IL17RB: variants seen among roughly 807,000 people sequenced by gnomAD.
The protein encoded by IL17RB is interleukin 17 receptor B, also known as interleukin-17 receptor B.
A neutral mutation model predicts 43.9 loss-of-function variants in IL17RB; 36 were observed. The ratio of observed to expected loss-of-function variants is 0.82; its 90% CI spans 0.63 to 1.08. The LOEUF is 1.08. Ranked by LOEUF, IL17RB falls within the 50% of genes least tolerant of loss-of-function variation. The pLI is 0.00. For synonymous variants in IL17RB, 225 were observed against 225.4 expected, an observed-to-expected ratio of 1.00 and a Z score of 0.02; for missense variants, 613 against 613.6, an observed-to-expected ratio of 1.00 and a Z score of 0.01.
intron 10 of IL17RB, among the ~76,000 whole-genome samples, chr3:53,861,772 A>G (rs2107027398): frequency 6.6e-6 from 1 of 152,348 alleles, no homozygotes; most frequent in Middle Eastern, 3.4e-3. Context: ...GGATGCCATT[A>G]AGAAAATCAC....
rs1025689 is a variant in IL17RB, at chr3:53,849,695, C to T, written c.126C>T (p.Pro42=). 6 of 1,611,996 alleles carry T rather than the reference C, an allele frequency of 3.7e-6. No individual in the cohort carries two copies. Among genetic ancestry groups the T allele is most frequent in the East Asian group, 2.2e-5 (1 of 44,778 alleles). The change falls in exon 3 of 11, where the codon CCC becomes CCT. Residue 42 remains proline, a synonymous_variant. Transcript: ENST00000288167. ...PEWMLQHDLI[P]GDLRDLRVEP... is the part of the protein sequence containing the mutation. ...GGATGCTACAACATGATCTAATCCCCGGAGACTTGAGGGACCTCCGAGTAG... is the reference window on the plus strand; with the variant it reads ...GGATGCTACAACATGATCTAATCCCTGGAGACTTGAGGGACCTCCGAGTAG...
intron 9 of IL17RB, chr3:53,859,875 C>T (rs986951741): frequency 8.7e-6 from 3 of 344,148 alleles, no homozygotes; most frequent in South Asian, 4.6e-5. Flanking sequence ...TGGCTGGGCG[C>T]GGTGACACAT....
In IL17RB at chr3:53,856,931, G is replaced by C. The variant is rs1199857461; in HGVS notation, c.617G>C (p.Arg206Thr). ...TTCACAACCACTCCCCTGGGAAACAGATACATGGCTCTTATCCAACACAGC... is the reference window on the plus strand; with the variant it reads ...TTCACAACCACTCCCCTGGGAAACACATACATGGCTCTTATCCAACACAGC... ...VNFTTTPLGN[R>T]YMALIQHSTI... Residue 206 changes from arginine (R) to threonine (T), a missense_variant, in exon 7 of 11, where the codon AGA (arginine) becomes ACA (threonine). Coordinates refer to ENST00000288167, the MANE Select transcript of IL17RB (RefSeq NM_018725.4). The C allele has an allele frequency of 6.2e-7, 1 of 1,614,014 alleles. No homozygotes were observed. Among genetic ancestry groups the C allele is most frequent in the African/African-American group, 1.3e-5 (1 of 74,918 alleles).
intron 9 of IL17RB, 122 bp downstream of exon 9, chr3:53,858,940 A>T: frequency 1.4e-6 from 1 of 702,682 alleles, no homozygotes; most frequent in South Asian, 1.8e-5. Flanking sequence ...GCCTGTGTAC[A>T]CTGAACTGGG....
chr3:53,856,989 A>G lies in IL17RB; in HGVS notation c.672+3A>G, dbSNP rs765502228. On this transcript the variant is annotated splice_donor_region_variant and intron_variant, in intron 7 of 10. Transcript: ENST00000288167. Reference sequence around the variant, plus strand: ...TCGGGTTTTCTCAGGTGTTTGAGGTACTTTTTCTCTTCGTCCCCTTCACCT... The same window carrying G: ...TCGGGTTTTCTCAGGTGTTTGAGGTGCTTTTTCTCTTCGTCCCCTTCACCT... 1.9e-6 allele frequency: 3 copies of G among 1,613,648 alleles called. No individual in the cohort carries two copies. The highest frequency in any genetic ancestry group is 2.5e-6 in the Non-Finnish European group (3 of 1,180,004).
intron 3 of IL17RB, among the ~76,000 whole-genome samples, 160 bp from the exon 4 acceptor site, chr3:53,851,839 G>A (rs572468497): frequency 6.6e-5 from 10 of 152,260 alleles, no homozygotes; most frequent in East Asian, 1.9e-4. Context: ...TAAGCCTCAC[G>A]AACCCCATCT....
intron 3 of IL17RB, among the ~76,000 whole-genome samples, chr3:53,851,775 T>C (rs1247193652): frequency 2.0e-5 from 3 of 152,202 alleles, no homozygotes; most frequent in Non-Finnish European, 4.4e-5. Flanking sequence ...TGAATTCGTA[T>C]CTGCTACTTG....
At chr3:53,863,479 G>A (rs1699644190) in intron 10 of IL17RB, among the ~76,000 whole-genome samples, 1 of 152,208 alleles carries the variant, frequency 6.6e-6, no homozygotes, top group Non-Finnish European at 1.5e-5. Flanking sequence ...TAAATAAAAT[G>A]AGATTAACTC....
At position 53,865,091 on chromosome 3, in the gene IL17RB, G is replaced by T; in HGVS notation, c.1292G>T (p.Cys431Phe). 6.2e-7 allele frequency: 1 copy of T among 1,614,098 alleles called. No individual in the cohort carries two copies. The highest frequency in any genetic ancestry group is 8.5e-7 in the Non-Finnish European group (1 of 1,179,974). The change falls in exon 11 of 11, where the codon TGC (cysteine) becomes TTC (phenylalanine). Residue 431 changes from cysteine (C) to phenylalanine (F), a missense_variant. Physicochemically the swap from Cys to Phe is radical, Grantham distance 205. Transcript: ENST00000288167. ...TTCCCCCTTGCCTTTAACCTTTTCT[G>T]CAGTGATCTAAGAAGCCAGATTCAT... ...DLFPLAFNLFCSDLRSQIHLH... is the reference protein window; with the variant it reads ...DLFPLAFNLFFSDLRSQIHLH...
At position 53,852,102 on chromosome 3, in the gene IL17RB, T is replaced by C; in HGVS notation, c.330T>C (p.Thr110=). 6.2e-7 allele frequency: 1 copy of C among 1,614,168 alleles called. No homozygotes were observed. The highest frequency in any genetic ancestry group is 8.5e-7 in the Non-Finnish European group (1 of 1,180,040). Residue 110 remains threonine (T), a synonymous_variant, in exon 4 of 11, where the codon ACT becomes ACC. Transcript: ENST00000288167. ...GCAATTACACAGAGGCCTTCCAGAC[T>C]CAGACCAGACCCTCTGGTGGTAAAG... ...VRCNYTEAFQ[T]QTRPSGGKWT...
At chr3:53,857,827 C>G in intron 8 of IL17RB, 137 bp downstream of exon 8, 4 of 765,230 alleles carry the variant, frequency 5.2e-6, no homozygotes, top group Non-Finnish European at 9.0e-6. Context: ...TTCATGGGGG[C>G]TCTTTCGCTG....
chr3:53,861,826 G>T (rs1248828588), intron 10 of IL17RB, among the ~76,000 whole-genome samples: 1 of 152,200 alleles, frequency 6.6e-6, no homozygotes, highest in Non-Finnish European at 1.5e-5. Flanking sequence ...CAGTGCAGAT[G>T]AAAGTGTCCT....
chr3:53,860,337 T>C, intron 10 of IL17RB, 109 bp downstream of exon 10: 1 of 804,596 alleles, frequency 1.2e-6, no homozygotes, highest in Non-Finnish European at 2.0e-6. Context: ...TTCCCAGAGT[T>C]AGATAGCATT....
rs376190922 is a variant in IL17RB at position 53,857,696 on chromosome 3, G to C, written c.747+6G>C. On this transcript the variant is annotated splice_donor_region_variant and intron_variant, in intron 8 of 10. Coordinates refer to ENST00000288167, the MANE Select transcript of IL17RB (RefSeq NM_018725.4). Reference sequence around the variant, plus strand: ...GTGAAGGTGCTACGGTGCAGGTAAAGTTCAGTGAGCTGCTCTGGGGAGGGA... The same window carrying C: ...GTGAAGGTGCTACGGTGCAGGTAAACTTCAGTGAGCTGCTCTGGGGAGGGA... 27 of 1,611,766 alleles carry C rather than the reference G, an allele frequency of 1.7e-5. No homozygotes were observed. The highest frequency in any genetic ancestry group is 1.6e-4 in the Middle Eastern group (1 of 6,082).
At chr3:53,859,610 T>C (rs1032766446) in intron 9 of IL17RB, 1 of 153,100 alleles carries the variant, frequency 6.5e-6, no homozygotes, top group African/African-American at 2.4e-5. Flanking sequence ...TAAGCAGTTG[T>C]ACCCAGAATA....
chr3:53,847,989 A>G (rs1033617372), intron 1 of IL17RB, among the ~76,000 whole-genome samples: 3 of 152,202 alleles, frequency 2.0e-5, no homozygotes, highest in African/African-American at 7.2e-5. Flanking sequence ...TTGTCATTTG[A>G]GCTTGCTGCT....
At chr3:53,862,334 G>A (rs911653697) in intron 10 of IL17RB, among the ~76,000 whole-genome samples, 2 of 152,144 alleles carry the variant, frequency 1.3e-5, no homozygotes, top group Non-Finnish European at 2.9e-5. Flanking sequence ...CACTATGGAC[G>A]AGAACACCAA....
Position 53,852,965 on chromosome 3 carries a change from G to T in IL17RB, c.449G>T (p.Gly150Val), listed in dbSNP as rs755729978. 2 of 1,613,840 alleles carry T rather than the reference G, an allele frequency of 1.2e-6. No homozygotes were observed. The highest frequency in any genetic ancestry group is 1.7e-5 in the Admixed American group (1 of 60,012). The change falls in exon 5 of 11, where the codon GGC (glycine) becomes GTC (valine). Residue 150 changes from glycine (G) to valine (V), a missense_variant. Physicochemically the swap from Gly to Val is moderately radical, Grantham distance 109 (BLOSUM62 -3). Transcript: ENST00000288167. ...CCTAATGCAAATATGAATGAAGATG[G>T]CCCTTCCATGTCTGTGAATTTCACC... is the stretch of plus-strand genomic sequence containing the variant. ...NIPNANMNED[G>V]PSMSVNFTSP...
rs574787315 is a variant in IL17RB, at chr3:53,854,986, G to A, written c.482-308G>A. Among the ~76,000 whole-genome samples, 491 of 152,006 alleles carry A rather than the reference G, an allele frequency of 3.2e-3. 2 individuals carry two copies. The highest frequency in any genetic ancestry group is 0.011 in the African/African-American group (464 of 41,452). On this transcript the variant is annotated intron_variant, in intron 5 of 10. Transcript: ENST00000288167. ...CAAAAAATTAGCCGGGCGTGGTGGC[G>A]GGCGCCTGTAGTCCCAGCTACTCAG...
Sources: allele counts gnomAD v4.1 joint callset (sites outside exome capture counted in the v4.1 genomes callset), GRCh38; gene constraint gnomAD v4.1.1; transcripts MANE v1.5; gene names NCBI Gene and HGNC (gene_info 2026-07-23, HGNC 2026-07-21).